The following TCF25 variants were observed in gnomAD, a reference collection of about 807,000 sequenced individuals.
TCF25 encodes the protein ribosome quality control complex subunit TCF25.
A neutral mutation model predicts 83.1 loss-of-function variants in TCF25; 41 were observed. That is an observed-to-expected ratio of 0.49 (90% CI 0.38 to 0.64). TCF25 has a LOEUF of 0.64. Ranked by LOEUF, TCF25 falls within the 30% of genes least tolerant of loss-of-function variation. TCF25 has a pLI of 0.00. For synonymous variants in TCF25, 458 were observed against 365.0 expected, an observed-to-expected ratio of 1.25 and a Z score of -2.90; for missense variants, 979 against 914.5, an observed-to-expected ratio of 1.07 and a Z score of -0.91.
At chr16:89,891,115 G>T (rs1196479516) in intron 5 of TCF25, among the ~76,000 whole-genome samples, 1 of 152,170 alleles carries the variant, frequency 6.6e-6, no homozygotes, top group Non-Finnish European at 1.5e-5. Context: ...TGCTCAGGGC[G>T]CCTGCCAGCC....
chr16:89,890,800 CGTA>C (rs1467168612), intron 5 of TCF25, among the ~76,000 whole-genome samples: 6 of 151,900 alleles, frequency 3.9e-5, no homozygotes, highest in African/African-American at 1.2e-4. Flanking sequence ...ACTGATTACT[CGTA>C]GTAATTAGTT....
intron 12 of TCF25, among the ~76,000 whole-genome samples, chr16:89,903,154 G>A (rs8059306): frequency 0.073 from 11,057 of 152,346 alleles, 1,336 homozygotes; most frequent in African/African-American, 0.25. Flanking sequence ...CTGTGCTGCT[G>A]TGTCACAGGC....
intron 1 of TCF25, among the ~76,000 whole-genome samples, chr16:89,876,926 C>CT (rs1276662218): frequency 2.1e-5 from 2 of 94,260 alleles, no homozygotes; most frequent in Non-Finnish European, 3.9e-5. Context: ...GAGACTCCAT[C>CT]TAAAAAAAAA....
chr16:89,888,172 G>A (rs1183299816), intron 5 of TCF25, among the ~76,000 whole-genome samples: 6 of 151,936 alleles, frequency 3.9e-5, no homozygotes, highest in African/African-American at 1.2e-4. Flanking sequence ...AAGCTGAGGC[G>A]GGACATTCGC....
In TCF25 at chr16:89,885,773, AAAT is replaced by A. The variant is rs1234303525; in HGVS notation, c.430-71_430-69del. 7.8e-6 allele frequency: 10 copies of A among 1,274,518 alleles called. No homozygotes were observed. The African/African-American group carries it at 1.0e-4, about 13-fold the overall frequency. 79.0% of individuals were successfully genotyped at this position (1,274,518 alleles called of 1,614,324 possible). A position where few individuals can be genotyped will look rare whatever the true frequency, so the allele number is the denominator to read the frequency against. ...CAGTGTAATAGGTCTCTTTTAAGAT[AAAT>A]AATTTTGTTATTGTTACAATATTTA... On this transcript the variant is annotated intron_variant, in intron 3 of 17. Coordinates refer to ENST00000263346, the MANE Select transcript of TCF25 (RefSeq NM_014972.3).
intron 2 of TCF25, chr16:89,883,741 G>C (rs2042774697): frequency 3.8e-6 from 2 of 527,266 alleles, no homozygotes; most frequent in Non-Finnish European, 3.4e-6. Flanking sequence ...CGCCTGCCCA[G>C]CAGTGTATGT....
At chr16:89,902,934 G>T (rs1001026402) in intron 12 of TCF25, among the ~76,000 whole-genome samples, 1 of 152,200 alleles carries the variant, frequency 6.6e-6, no homozygotes, top group East Asian at 1.9e-4. Flanking sequence ...CCCACGGCGT[G>T]GGGTTGGGCA....
intron 5 of TCF25, chr16:89,889,385 C>T: frequency 3.7e-6 from 1 of 266,990 alleles, no homozygotes; most frequent in Non-Finnish European, 7.3e-6. Context: ...CTTTGTTGCC[C>T]AGGGTGATGT....
rs1597375067 is a variant in TCF25, at chr16:89,904,930, T to C, written c.1470-8T>C. 2 of 1,600,184 alleles carry C rather than the reference T, an allele frequency of 1.2e-6. No individual in the cohort carries two copies. Among genetic ancestry groups the C allele is most frequent in the African/African-American group, 1.3e-5 (1 of 74,632 alleles). On this transcript the variant is annotated splice_polypyrimidine_tract_variant and splice_region_variant and intron_variant, in intron 13 of 17. Transcript: ENST00000263346. The stretch of plus-strand genomic sequence containing the variant: ...GGGGTTCTGCTCAGAGCCCTTGCTC[T>C]CCCCCAGCCAGCCCCCTGCCCTGAG...
Position 89,883,415 on chromosome 16 carries a change from C to T in TCF25, c.257C>T (p.Thr86Ile), listed in dbSNP as rs777350030. ...VNGERSGCAL[T>I]DAVAPGNKGR... ...GGGGAGAGGTCTGGCTGTGCGCTCA[C>T]AGACGCTGTGGCACCAGGGAACAAA... Residue 86 changes from threonine (T) to isoleucine (I), a missense_variant, in exon 2 of 18, where the codon ACA becomes ATA. Transcript: ENST00000263346. 9 of 1,614,042 alleles carry T rather than the reference C, an allele frequency of 5.6e-6. No individual in the cohort carries two copies. The highest frequency in any genetic ancestry group is 6.8e-6 in the Non-Finnish European group (8 of 1,180,032).
Position 89,885,909 on chromosome 16 carries a change from A to C in TCF25, c.491A>C (p.Asn164Thr). 2 of 1,612,090 alleles carry C rather than the reference A, an allele frequency of 1.2e-6. No individual in the cohort carries two copies. The highest frequency in any genetic ancestry group is 1.7e-6 in the Non-Finnish European group (2 of 1,179,218). ...AGGATTGAGGACAGCACTGGGTTGA[A>C]CCGTCCCGGCCCAGCTCCCCTGAGC... Reference protein sequence around the residue: ...LERIEDSTGLNRPGPAPLSSR... With the variant: ...LERIEDSTGLTRPGPAPLSSR... The change falls in exon 4 of 18, where the codon AAC becomes ACC. Residue 164 changes from asparagine to threonine, a missense_variant. Coordinates refer to ENST00000263346, the MANE Select transcript of TCF25 (RefSeq NM_014972.3).
At chr16:89,897,635 C>T (rs979096715) in intron 9 of TCF25, among the ~76,000 whole-genome samples, 11 of 152,162 alleles carry the variant, frequency 7.2e-5, no homozygotes, top group Admixed American at 2.6e-4. Context: ...TATTTCCCGA[C>T]GCGAAAGAGA....
At chr16:89,881,540 GGA>G (rs34269218) in intron 1 of TCF25, among the ~76,000 whole-genome samples, 85,357 of 151,458 alleles carry the variant, frequency 0.56, 27,650 homozygotes, top group East Asian at 0.89. Flanking sequence ...CCAGATTCCA[GGA>G]CTGCTGGGCT....
At chr16:89,897,920 G>A (rs1166598211) in intron 9 of TCF25, among the ~76,000 whole-genome samples, 2 of 152,098 alleles carry the variant, frequency 1.3e-5, no homozygotes, top group East Asian at 1.9e-4. Context: ...TCGAGACCAC[G>A]GTGAAACCCC....
At chr16:89,890,316 C>T (rs939804735) in intron 5 of TCF25, 6 of 152,306 alleles carry the variant, frequency 3.9e-5, no homozygotes, top group Non-Finnish European at 4.4e-5. Flanking sequence ...GCAGGCATTT[C>T]TGTGAAACTG....
intron 8 of TCF25, among the ~76,000 whole-genome samples, chr16:89,895,557 TCGATCAGAAC>T (rs2043785793): frequency 6.6e-6 from 1 of 152,222 alleles, no homozygotes; most frequent in Non-Finnish European, 1.5e-5. Context: ...CACTGTAGCG[TCGATCAGAAC>T]GTCGTTCGTT....
At chr16:89,878,890 C>G (rs1010090803) in intron 1 of TCF25, among the ~76,000 whole-genome samples, 1 of 152,234 alleles carries the variant, frequency 6.6e-6, no homozygotes, top group African/African-American at 2.4e-5. Flanking sequence ...ATCTGCCCAC[C>G]TCTGCCTCCC....
chr16:89,910,757 T>A, intron 17 of TCF25, 94 bp downstream of exon 17: 1 of 1,390,144 alleles, frequency 7.2e-7, no homozygotes, highest in Non-Finnish European at 1.0e-6. Flanking sequence ...ACCAGGACTG[T>A]GCCAGCCGGC....
At chr16:89,906,943 T>C (rs1217057669) in intron 15 of TCF25, among the ~76,000 whole-genome samples, 1 of 152,018 alleles carries the variant, frequency 6.6e-6, no homozygotes, top group Non-Finnish European at 1.5e-5. Context: ...GTGGTGAAGA[T>C]GTTGGCAGGC....
Sources: allele counts gnomAD v4.1 joint callset (sites outside exome capture counted in the v4.1 genomes callset), GRCh38; gene constraint gnomAD v4.1.1; transcripts MANE v1.5; gene names NCBI Gene and HGNC (gene_info 2026-07-23, HGNC 2026-07-21).